Variants in ANKRD11 observed in about 807,000 individuals in gnomAD.
ANKRD11 encodes ankyrin repeat domain-containing protein 11.
In ANKRD11, 17 loss-of-function variants were observed where a neutral mutation model predicts 195.7. The observed-to-expected ratio is 0.09, with a 90% CI of 0.06 to 0.13. The LOEUF (loss-of-function observed/expected upper bound fraction) is 0.13. ANKRD11 is among the 10% of genes least tolerant of loss of function. The pLI, the probability that ANKRD11 is intolerant of heterozygous loss-of-function variation, is 1.00. For missense variants in ANKRD11, 3,735 were observed against 3,566.1 expected (o/e 1.05, Z -1.21); for synonymous variants, 1,953 against 1,528.1 (o/e 1.28, Z -6.49).
At chr16:89,487,940 T>C (rs1646906783) in intron 1 of ANKRD11, among the ~76,000 whole-genome samples, 1 of 115,966 alleles carries the variant, frequency 8.6e-6, no homozygotes, top group Non-Finnish European at 1.9e-5. Flanking sequence ...CAACAGCCCA[T>C]CTGGGAGGGT....
chr16:89,309,833 G>A (rs1369857133), intron 3 of ANKRD11, among the ~76,000 whole-genome samples: 2 of 152,106 alleles, frequency 1.3e-5, no homozygotes, highest in East Asian at 1.9e-4. Flanking sequence ...TCCTTACCAG[G>A]CACCTCCTGT....
Position 89,282,497 on chromosome 16 carries a change from T to G in ANKRD11, c.4045A>C (p.Arg1349=), listed in dbSNP as rs994833719. The stretch of plus-strand genomic sequence containing the variant: ...GATGAAGATGAGGAGTGTCTGTGCC[T>G]CTCCTTCTCTTTCAGCTTCTCAGGG... ...CLPEKLKEKE[R]HRHSSSSSKK... The change falls in exon 9 of 13, where the codon AGG becomes CGG. Residue 1349 remains arginine (R), a synonymous_variant. Coordinates refer to ENST00000301030, the MANE Select transcript of ANKRD11 (RefSeq NM_013275.6). 3 of 1,614,092 alleles carry G rather than the reference T, an allele frequency of 1.9e-6. No individual in the cohort carries two copies. Among genetic ancestry groups the G allele is most frequent in the Non-Finnish European group, 2.5e-6 (3 of 1,180,018 alleles).
At chr16:89,341,282 G>T (rs2038645467) in intron 2 of ANKRD11, among the ~76,000 whole-genome samples, 1 of 152,176 alleles carries the variant, frequency 6.6e-6, no homozygotes, top group African/African-American at 2.4e-5. Context: ...ATTTCTCTCT[G>T]CATTAAATAC....
intron 2 of ANKRD11, among the ~76,000 whole-genome samples, chr16:89,357,791 C>G (rs367806070): frequency 6.6e-6 from 1 of 152,222 alleles, no homozygotes; most frequent in Non-Finnish European, 1.5e-5. Flanking sequence ...GGAGGAACCA[C>G]TGCTCATCGG....
At chr16:89,446,390 G>C (rs1031869689) in intron 1 of ANKRD11, among the ~76,000 whole-genome samples, 1 of 152,178 alleles carries the variant, frequency 6.6e-6, no homozygotes, top group Non-Finnish European at 1.5e-5. Flanking sequence ...GATCGCTTGA[G>C]CCCTGGAGTT....
intron 2 of ANKRD11, among the ~76,000 whole-genome samples, chr16:89,407,173 G>A (rs1278753462): frequency 1.3e-5 from 2 of 151,236 alleles, no homozygotes; most frequent in Admixed American, 6.6e-5. Flanking sequence ...CAACAAGAGC[G>A]AAACCCCGTC....
rs999011876 is a variant in ANKRD11, at chr16:89,282,898, T to C, written c.3644A>G (p.Glu1215Gly). The C allele has an allele frequency of 6.2e-7, 1 of 1,613,258 alleles. No individual in the cohort carries two copies. Among genetic ancestry groups the C allele is most frequent in the Non-Finnish European group, 8.5e-7 (1 of 1,180,018 alleles). Residue 1215 changes from glutamate (E) to glycine (G), a missense_variant, in exon 9 of 13, where the codon GAA (glutamate) becomes GGA (glycine). By Grantham distance (98) the Glu-to-Gly change is moderately conservative. Transcript: ENST00000301030. Reference sequence around the variant, plus strand: ...TCTGTCCTTCCTGTCCTTGTACTTTTCTGTGGACTCTTTATCCTTCTTCTC... The same window carrying C: ...TCTGTCCTTCCTGTCCTTGTACTTTCCTGTGGACTCTTTATCCTTCTTCTC... ...HKEKKDKEST[E>G]KYKDRKDRAS...
At chr16:89,368,264 C>T (rs4031009) in intron 2 of ANKRD11, among the ~76,000 whole-genome samples, 9 of 151,448 alleles carry the variant, frequency 5.9e-5, no homozygotes, top group Non-Finnish European at 1.0e-4. Flanking sequence ...GGCACAATCT[C>T]GGCTCACTGC....
chr16:89,280,517 T>G lies in ANKRD11; in HGVS notation c.6025A>C (p.Ser2009Arg). Residue 2009 changes from serine to arginine, a missense_variant, in exon 9 of 13, where the codon AGC becomes CGC. By Grantham distance (110) the Ser-to-Arg change is moderately radical. Coordinates refer to ENST00000301030, the MANE Select transcript of ANKRD11 (RefSeq NM_013275.6). ...PLHSAAPGPF[S>R]ASEAPYPAPP... is the part of the protein sequence containing the mutation. ...GCGGGGTACGGCGCCTCCGAGGCGCTGAAGGGCCCTGGGGCGGCAGAGTGG... is the reference window on the plus strand; with the variant it reads ...GCGGGGTACGGCGCCTCCGAGGCGCGGAAGGGCCCTGGGGCGGCAGAGTGG... 1 of 1,609,986 alleles carries G rather than the reference T, an allele frequency of 6.2e-7. No individual in the cohort carries two copies. The highest frequency in any genetic ancestry group is 8.5e-7 in the Non-Finnish European group (1 of 1,178,796).
At chr16:89,376,693 C>T (rs1456239429) in intron 2 of ANKRD11, among the ~76,000 whole-genome samples, 2 of 152,328 alleles carry the variant, frequency 1.3e-5, no homozygotes, top group African/African-American at 4.8e-5. Flanking sequence ...CCCACCTTGG[C>T]CTCCCTAAGT....
intron 1 of ANKRD11, among the ~76,000 whole-genome samples, chr16:89,419,236 G>GA (rs1196045807): frequency 1.3e-5 from 2 of 152,082 alleles, no homozygotes. Context: ...CGGATCACTT[G>GA]AGGTCATGAG....
intron 2 of ANKRD11, among the ~76,000 whole-genome samples, chr16:89,415,972 C>T (rs1036504374): frequency 6.6e-6 from 1 of 152,062 alleles, no homozygotes; most frequent in Non-Finnish European, 1.5e-5. Context: ...AGCAACACTG[C>T]AGTCTCCCTG....
chr16:89,299,092 C>T (rs900258649), intron 4 of ANKRD11: 2 of 153,096 alleles, frequency 1.3e-5, no homozygotes, highest in African/African-American at 2.4e-5. Context: ...CCCAAGTCCT[C>T]TGTATTCAGA....
At chr16:89,399,841 C>A (rs990504661) in intron 2 of ANKRD11, among the ~76,000 whole-genome samples, 1 of 152,116 alleles carries the variant, frequency 6.6e-6, no homozygotes, top group Non-Finnish European at 1.5e-5. Flanking sequence ...GTCAGAAAGA[C>A]AAAATGGTCC....
chr16:89,358,531 G>A (rs1432944695), intron 2 of ANKRD11, among the ~76,000 whole-genome samples: 2 of 152,094 alleles, frequency 1.3e-5, no homozygotes, highest in African/African-American at 4.8e-5. Context: ...TCATCACTAC[G>A]CATTGCATGC....
At chr16:89,409,156 T>C (rs1327266715) in intron 2 of ANKRD11, among the ~76,000 whole-genome samples, 1 of 152,144 alleles carries the variant, frequency 6.6e-6, no homozygotes, top group East Asian at 1.9e-4. Context: ...AAACAGATTT[T>C]TTAGGTGAAG....
chr16:89,393,454 G>C (rs2041288696), intron 2 of ANKRD11, among the ~76,000 whole-genome samples: 1 of 149,428 alleles, frequency 6.7e-6, no homozygotes, highest in African/African-American at 2.5e-5. Context: ...CCCCCATGTA[G>C]CTGGGATTAC....
Position 89,291,323 on chromosome 16 carries a change from GA to G in ANKRD11, c.227-141del, listed in dbSNP as rs1411509993. ...GCAGAAAGGAAGGTCTGTGTATGGG[GA>G]AAGCACAGCGGTGCTGGGAGCATTG... is the stretch of plus-strand genomic sequence containing the variant. On this transcript the variant is annotated intron_variant, in intron 4 of 12. Transcript: ENST00000301030. This position sits in a 1 kb window ranked among gnomAD's most constrained non-coding sequence, Gnocchi z 5.3. 1.5e-5 allele frequency: 17 copies of G among 1,116,384 alleles called. No homozygotes were observed. The highest frequency in any genetic ancestry group is 1.9e-5 in the Non-Finnish European group (15 of 770,300). The allele number at this position is 1,116,384 out of a possible 1,614,324, so 69.2% of individuals were successfully genotyped here. A position where few individuals can be genotyped will look rare whatever the true frequency, so the allele number is the denominator to read the frequency against.
intron 4 of ANKRD11, chr16:89,304,972 G>A: frequency 1.6e-6 from 1 of 612,796 alleles, no homozygotes; most frequent in African/African-American, 2.0e-5. Context: ...CCACGTGTGT[G>A]GGACCCAAGA....
Sources: gnomAD v4.1 joint callset for allele counts (sites outside exome capture counted in the v4.1 genomes callset) on GRCh38, gnomAD v4.1.1 for gene constraint, Gnocchi (gnomAD v3.1) non-coding constraint, MANE v1.5 for transcripts, NCBI Gene and HGNC (gene_info 2026-07-23, HGNC 2026-07-21) for gene names.